REXO1: variants seen among roughly 807,000 people sequenced by gnomAD.
REXO1 encodes REX1, RNA exonuclease 1 homolog.
A neutral mutation model predicts 102.6 loss-of-function variants in REXO1; 42 were observed. That is an observed-to-expected ratio of 0.41 (90% CI 0.32 to 0.53). The LOEUF is 0.53. Among genes scored for constraint, REXO1 ranks in the 20% least tolerant of loss-of-function variants. The pLI is 0.27. For synonymous variants in REXO1, 908 were observed against 779.1 expected (o/e 1.17, Z -2.76); for missense variants, 1,819 against 1,732.5 (o/e 1.05, Z -0.89).
chr19:1,831,546 G>A (rs560141443), intron 1 of REXO1, among the ~76,000 whole-genome samples: 10 of 152,128 alleles, frequency 6.6e-5, no homozygotes, highest in African/African-American at 2.2e-4. Flanking sequence ...GCATAAGAAA[G>A]AAATGGCTGG....
intron 1 of REXO1, among the ~76,000 whole-genome samples, chr19:1,837,503 A>G (rs1319571513): frequency 2.6e-5 from 4 of 152,220 alleles, no homozygotes; most frequent in African/African-American, 7.2e-5. Context: ...TTCGAGGAAA[A>G]GTCCAGCCAG....
intron 1 of REXO1, among the ~76,000 whole-genome samples, chr19:1,847,959 G>A (rs985839063): frequency 2.0e-5 from 3 of 152,220 alleles, no homozygotes; most frequent in Admixed American, 6.5e-5. Flanking sequence ...CCTCTAGACA[G>A]CCCTGGCAGG....
chr19:1,828,508 G>A lies in REXO1; in HGVS notation c.281C>T (p.Ala94Val). Residue 94 changes from alanine (A) to valine (V), a missense_variant, in exon 2 of 16, where the codon GCC becomes GTC. Coordinates refer to ENST00000170168, the MANE Select transcript of REXO1 (RefSeq NM_020695.4). Reference protein sequence around the residue: ...DVLELELVNQAIEAVRSEVEL... With the variant: ...DVLELELVNQVIEAVRSEVEL... ...CACCTCACTGCGCACGGCCTCGATG[G>A]CCTGGTTGACCAGCTCCAACTCCAG... 3 of 1,604,860 alleles carry A rather than the reference G, an allele frequency of 1.9e-6. No homozygotes were observed. The highest frequency in any genetic ancestry group is 2.5e-6 in the Non-Finnish European group (3 of 1,179,826).
intron 12 of REXO1, 39 bp downstream of exon 12, chr19:1,817,180 C>T (rs770360172): frequency 6.2e-7 from 1 of 1,606,290 alleles, no homozygotes; most frequent in Admixed American, 1.7e-5. Flanking sequence ...CAGGTCCTCC[C>T]CAATCCTGAA....
rs74979821 is a variant in REXO1, at chr19:1,832,987, T to C, written c.158-4356A>G. Among the ~76,000 whole-genome samples the C allele has an allele frequency of 2.0e-5, 3 of 151,628 alleles. No homozygotes were observed. The East Asian group carries it at 5.8e-4, about 29-fold the overall frequency. On this transcript the variant is annotated intron_variant, in intron 1 of 15. Coordinates refer to ENST00000170168, the MANE Select transcript of REXO1 (RefSeq NM_020695.4). Reference sequence around the variant, plus strand: ...GCTCACGCCTGTAATCCCAGCACTTTGGAAGGCCAAGATGAGCAGACTGCT... The same window carrying C: ...GCTCACGCCTGTAATCCCAGCACTTCGGAAGGCCAAGATGAGCAGACTGCT...
intron 1 of REXO1, 47 bp downstream of exon 1, chr19:1,848,155 C>T (rs1599184279): frequency 2.9e-6 from 3 of 1,018,666 alleles, no homozygotes; most frequent in Non-Finnish European, 2.5e-6. Context: ...GGGTCCAGAC[C>T]CGGGCAGGGG....
intron 1 of REXO1, among the ~76,000 whole-genome samples, chr19:1,831,505 C>T (rs911016756): frequency 6.6e-6 from 1 of 152,042 alleles, no homozygotes; most frequent in Admixed American, 6.6e-5. Flanking sequence ...TCCCCTATGG[C>T]CCCCACCCAC....
chr19:1,832,962 G>A (rs2069946076), intron 1 of REXO1, among the ~76,000 whole-genome samples: 1 of 151,278 alleles, frequency 6.6e-6, no homozygotes, highest in Non-Finnish European at 1.5e-5. Flanking sequence ...AGGCTCAGTG[G>A]CTCACGCCTG....
intron 6 of REXO1, 99 bp from the exon 7 acceptor site, chr19:1,820,156 A>G: frequency 6.4e-7 from 1 of 1,562,484 alleles, no homozygotes; most frequent in East Asian, 2.3e-5. Flanking sequence ...CATCTCTCCC[A>G]GGCAGCTCCG....
At position 1,826,589 on chromosome 19, in the gene REXO1, A is replaced by T. The variant is rs1041331709; in HGVS notation, c.1911+289T>A. 2.6e-5 allele frequency among the ~76,000 whole-genome samples: 4 copies of T among 151,776 alleles called. No homozygotes were observed. The highest frequency in any genetic ancestry group is 9.7e-5 in the African/African-American group (4 of 41,284). ...TCCCCTGAGGTGGGTGGGTGGGCCA[A>T]TATCCCCCTGCCAGTCAGTGGGAAC... On this transcript the variant is annotated intron_variant, in intron 2 of 15. Coordinates refer to ENST00000170168, the MANE Select transcript of REXO1 (RefSeq NM_020695.4). This position sits in a 1 kb window ranked among gnomAD's most constrained non-coding sequence, Gnocchi z 4.3.
intron 1 of REXO1, among the ~76,000 whole-genome samples, chr19:1,839,132 T>C (rs1183314582): frequency 6.6e-6 from 1 of 151,966 alleles, no homozygotes; most frequent in Non-Finnish European, 1.5e-5. Context: ...GGCGTGCTCC[T>C]GTAATCCCAG....
rs112515154 is a variant in REXO1, at chr19:1,842,935, G to T, written c.157+5267C>A. On this transcript the variant is annotated intron_variant, in intron 1 of 15. Transcript: ENST00000170168. ...CTGGGAACCCAGCGCTTTTCCCATC[G>T]CCATCCACCTGGGGGAGAGCTGCCA... 7.0e-3 allele frequency among the ~76,000 whole-genome samples: 1,067 copies of T among 152,278 alleles called. 10 individuals are homozygous for T. Among genetic ancestry groups the T allele is most frequent in the Middle Eastern group, 0.02 (6 of 294 alleles).
At chr19:1,838,635 A>G (rs1212771158) in intron 1 of REXO1, among the ~76,000 whole-genome samples, 2 of 149,932 alleles carry the variant, frequency 1.3e-5, no homozygotes, top group Non-Finnish European at 3.0e-5. Context: ...ATTGCTCTCC[A>G]GCCTGGGTGA....
intron 1 of REXO1, among the ~76,000 whole-genome samples, chr19:1,832,785 G>A (rs563921539): frequency 3.0e-4 from 45 of 151,984 alleles, no homozygotes; most frequent in African/African-American, 1.0e-3. Context: ...GCATGGGGGC[G>A]TGCACCTGTA....
chr19:1,817,118 C>G (rs970897820), intron 12 of REXO1, 101 bp downstream of exon 12: 4 of 1,187,732 alleles, frequency 3.4e-6, no homozygotes, highest in Non-Finnish European at 4.7e-6. Context: ...ACCCTGAGCG[C>G]TGGCCGGTGA....
chr19:1,845,668 A>C (rs1235714451), intron 1 of REXO1, among the ~76,000 whole-genome samples: 2 of 152,170 alleles, frequency 1.3e-5, no homozygotes, highest in East Asian at 1.9e-4. Context: ...TGTCTCAAAA[A>C]TTAATTCATT....
intron 6 of REXO1, 22 bp downstream of exon 6, chr19:1,820,242 G>A (rs2069492468): frequency 6.2e-7 from 1 of 1,605,724 alleles, no homozygotes; most frequent in Admixed American, 1.7e-5. Flanking sequence ...CGACCGGCCA[G>A]ATAGGAACTC....
At chr19:1,818,943 C>T in intron 8 of REXO1, 75 bp downstream of exon 8, 2 of 1,571,720 alleles carry the variant, frequency 1.3e-6, no homozygotes, top group Non-Finnish European at 1.7e-6. Flanking sequence ...CCACGAAGCA[C>T]CGTGTGGCAC....
At position 1,825,958 on chromosome 19, in the gene REXO1, C is replaced by G; in HGVS notation, c.1912-15G>C. On this transcript the variant is annotated splice_polypyrimidine_tract_variant and intron_variant, in intron 2 of 15. Coordinates refer to ENST00000170168, the MANE Select transcript of REXO1 (RefSeq NM_020695.4). Reference sequence around the variant, plus strand: ...TCCTTGGGGGGCTAAGACACATGTCCGTCCGTCAGCACAGGTCTGCCCTCG... The same window carrying G: ...TCCTTGGGGGGCTAAGACACATGTCGGTCCGTCAGCACAGGTCTGCCCTCG... 1 of 1,584,968 alleles carries G rather than the reference C, an allele frequency of 6.3e-7. No homozygotes were observed. Among genetic ancestry groups the G allele is most frequent in the Non-Finnish European group, 8.7e-7 (1 of 1,154,048 alleles).
Sources: gnomAD v4.1 joint callset for allele counts (sites outside exome capture counted in the v4.1 genomes callset) on GRCh38, gnomAD v4.1.1 for gene constraint, Gnocchi (gnomAD v3.1) non-coding constraint, MANE v1.5 for transcripts, NCBI Gene and HGNC (gene_info 2026-07-23, HGNC 2026-07-21) for gene names.